GARIN5A: variants seen among roughly 807,000 people sequenced by gnomAD.
GARIN5A encodes the protein Golgi-associated RAB2 interactor protein 5A.
the GARIN5A span, chr19:50,476,188 A>AT: frequency 8.1e-6 from 13 of 1,613,630 alleles, no homozygotes; most frequent in Non-Finnish European, 1.1e-5. Context: ...TAGGGCCGCG[A>AT]TCCCGCCTCA....
chr19:50,474,068 G>A, the GARIN5A span, among the ~76,000 whole-genome samples: 4 of 152,202 alleles, frequency 2.6e-5, no homozygotes, highest in East Asian at 7.7e-4. Context: ...GCTGGAGTTG[G>A]GGCAGGAGCC....
At chr19:50,476,172 C>A in the GARIN5A span, 1 of 1,613,696 alleles carries the variant, frequency 6.2e-7, no homozygotes, top group Non-Finnish European at 8.5e-7. Context: ...CCACCCAGGG[C>A]CGGCTTAGGG....
At chr19:50,470,509 G>A in the GARIN5A span, among the ~76,000 whole-genome samples, 5 of 149,108 alleles carry the variant, frequency 3.4e-5, no homozygotes, top group South Asian at 2.1e-4. Context: ...GTGAGGCTCC[G>A]TCTCAAAAAA....
the GARIN5A span, among the ~76,000 whole-genome samples, chr19:50,471,735 T>TGTGTATACGCATACATGCAC: frequency 2.2e-5 from 2 of 91,072 alleles, no homozygotes; most frequent in Non-Finnish European, 4.2e-5. Context: ...CATGCACGTG[T>TGTGTATACGCATACATGCAC]GTGTATACGC....
At chr19:50,469,208 C>A in the GARIN5A span, among the ~76,000 whole-genome samples, 130 of 152,336 alleles carry the variant, frequency 8.5e-4, 2 homozygotes, top group African/African-American at 3.0e-3. Context: ...CATGAACACA[C>A]CAGGCTCAGT....
At chr19:50,467,889 G>A in the GARIN5A span, 16 of 1,518,578 alleles carry the variant, frequency 1.1e-5, no homozygotes, top group South Asian at 9.4e-5. Context: ...CAGCACCGTC[G>A]GGGTCAGGGG....
At chr19:50,473,406 G>A in the GARIN5A span, among the ~76,000 whole-genome samples, 80 of 152,056 alleles carry the variant, frequency 5.3e-4, no homozygotes, top group African/African-American at 1.9e-3. Context: ...GCCCAGGCTG[G>A]AGTGCAGTGG....
the GARIN5A span, chr19:50,467,745 G>T: frequency 6.2e-7 from 1 of 1,609,084 alleles, no homozygotes; most frequent in South Asian, 1.1e-5. Context: ...GCAAGTAGAA[G>T]GTGCGGCTGG....
the GARIN5A span, chr19:50,476,605 G>A: frequency 6.4e-7 from 1 of 1,566,284 alleles, no homozygotes; most frequent in Non-Finnish European, 8.6e-7. Flanking sequence ...GGCGGTAGCA[G>A]CGCCCAGTCG....
chr19:50,475,631 G>A, the GARIN5A span: 1 of 707,744 alleles, frequency 1.4e-6, no homozygotes, highest in East Asian at 2.7e-5. Flanking sequence ...GTGAAGTCAG[G>A]GAAACTGAGG....
At chr19:50,476,544 G>A in the GARIN5A span, 152 of 1,572,428 alleles carry the variant, frequency 9.7e-5, 1 homozygote, top group East Asian at 1.4e-4. Context: ...AAGAAGCCGA[G>A]ATGGCGGCAG....
the GARIN5A span, among the ~76,000 whole-genome samples, chr19:50,472,172 GTATA>G: frequency 2.8e-5 from 4 of 144,204 alleles, no homozygotes; most frequent in African/African-American, 8.3e-5. Context: ...GTATACGTGT[GTATA>G]TGTATGTATA....
chr19:50,468,341 G>A, the GARIN5A span, among the ~76,000 whole-genome samples: 4 of 139,030 alleles, frequency 2.9e-5, no homozygotes, highest in Non-Finnish European at 3.0e-5. Context: ...CAGCCTGGGC[G>A]ACAGAGAGAG....
At chr19:50,475,155 T>C in the GARIN5A span, 2 of 1,040,412 alleles carry the variant, frequency 1.9e-6, no homozygotes, top group East Asian at 2.6e-5. Flanking sequence ...TTCTGGCCCC[T>C]GAGGGCTGCT....
chr19:50,476,641 G>A, the GARIN5A span: 5 of 1,541,270 alleles, frequency 3.2e-6, no homozygotes, highest in Non-Finnish European at 4.3e-6. Flanking sequence ...CTGCCGGGCC[G>A]GGACTGGTGC....
chr19:50,470,015 TC>T, the GARIN5A span, among the ~76,000 whole-genome samples: 1 of 152,194 alleles, frequency 6.6e-6, no homozygotes, highest in Non-Finnish European at 1.5e-5. Flanking sequence ...TCTCCTCTTA[TC>T]CCTGTCATCC....
chr19:50,467,493 G>A, the GARIN5A span: 2 of 1,073,548 alleles, frequency 1.9e-6, no homozygotes, highest in Non-Finnish European at 2.7e-6. Flanking sequence ...CTTAGACCTG[G>A]GAGTCCTCAG....
chr19:50,468,942 C>T, the GARIN5A span, among the ~76,000 whole-genome samples: 1 of 152,078 alleles, frequency 6.6e-6, no homozygotes, highest in Non-Finnish European at 1.5e-5. Context: ...TCTTTTAACT[C>T]CCTCCTCCGC....
chr19:50,473,671 T>C, the GARIN5A span, among the ~76,000 whole-genome samples: 3 of 151,794 alleles, frequency 2.0e-5, no homozygotes, highest in African/African-American at 7.3e-5. Context: ...CTCTCTTTCA[T>C]GAACTGTGAG....
Sources: allele counts gnomAD v4.1 joint callset (sites outside exome capture counted in the v4.1 genomes callset), GRCh38; gene constraint gnomAD v4.1.1; transcripts MANE v1.5; gene names NCBI Gene and HGNC (gene_info 2026-07-23, HGNC 2026-07-21).